Variants in CSMD1 observed in about 807,000 individuals in gnomAD.
The protein encoded by CSMD1 is CUB and Sushi multiple domains 1, also known as CUB and sushi domain-containing protein 1.
Under a neutral mutation model 417.5 loss-of-function variants are expected in CSMD1, and 213 were observed. The ratio of observed to expected loss-of-function variants is 0.51; its 90% CI spans 0.46 to 0.57. CSMD1 has a LOEUF of 0.57. Ranked by LOEUF, CSMD1 falls within the 20% of genes least tolerant of loss-of-function variation. The pLI is 0.00. For synonymous variants in CSMD1, 2,862 were observed against 1,736.8 expected (o/e 1.65, Z -16.11); for missense variants, 6,923 against 4,529.7 (o/e 1.53, Z -15.17).
chr8:4,335,324 G>A (rs1482347360), intron 3 of CSMD1, among the ~76,000 whole-genome samples: 4 of 152,020 alleles, frequency 2.6e-5, no homozygotes, highest in Non-Finnish European at 5.9e-5. Flanking sequence ...TTTCAACCTC[G>A]GACTTTTGTG....
At chr8:3,301,166 G>C (rs1452727790) in intron 25 of CSMD1, among the ~76,000 whole-genome samples, 3 of 151,602 alleles carry the variant, frequency 2.0e-5, no homozygotes, top group Non-Finnish European at 2.9e-5. Context: ...ATAGACATTA[G>C]TTTTATAGAC....
intron 5 of CSMD1, among the ~76,000 whole-genome samples, chr8:3,756,947 C>A (rs957403069): frequency 2.6e-5 from 4 of 152,078 alleles, no homozygotes; most frequent in African/African-American, 7.2e-5. Flanking sequence ...ATGTGCACAC[C>A]ATATCTGGAT....
chr8:3,046,034 T>C (rs577522236), intron 50 of CSMD1, among the ~76,000 whole-genome samples: 1 of 152,290 alleles, frequency 6.6e-6, no homozygotes, highest in South Asian at 2.1e-4. Flanking sequence ...TCGGCCTCTT[T>C]ATCATACCTG....
intron 5 of CSMD1, among the ~76,000 whole-genome samples, chr8:3,851,603 C>T (rs1190763296): frequency 6.6e-6 from 1 of 152,122 alleles, no homozygotes; most frequent in Non-Finnish European, 1.5e-5. Flanking sequence ...GTTGTCTCTA[C>T]TTTCACTGGA....
At chr8:3,493,800 T>C in intron 10 of CSMD1, 74 bp from the exon 11 acceptor site, 9 of 1,265,134 alleles carry the variant, frequency 7.1e-6, no homozygotes, top group Non-Finnish European at 1.0e-5. Context: ...ATTGCAAATA[T>C]CTAGTTATAC....
chr8:3,870,807 A>C (rs1227918745), intron 5 of CSMD1, among the ~76,000 whole-genome samples: 1 of 152,156 alleles, frequency 6.6e-6, no homozygotes, highest in Non-Finnish European at 1.5e-5. Context: ...TTATTGTAAA[A>C]CATACACAGG....
intron 20 of CSMD1, among the ~76,000 whole-genome samples, chr8:3,361,371 G>A (rs868224979): frequency 1.3e-5 from 2 of 152,024 alleles, no homozygotes; most frequent in African/African-American, 4.8e-5. Flanking sequence ...GCTCATACCT[G>A]TAATCTCAGC....
chr8:3,491,117 C>T (rs1424054740), intron 11 of CSMD1, among the ~76,000 whole-genome samples: 1 of 152,090 alleles, frequency 6.6e-6, no homozygotes, highest in Non-Finnish European at 1.5e-5. Flanking sequence ...TTCACAGCTG[C>T]TTATAGAAGT....
intron 3 of CSMD1, among the ~76,000 whole-genome samples, chr8:4,212,433 T>C (rs957864950): frequency 1.3e-5 from 2 of 152,100 alleles, no homozygotes; most frequent in East Asian, 3.8e-4. Flanking sequence ...TCCCAGGTAG[T>C]TCAGAAAATC....
intron 1 of CSMD1, among the ~76,000 whole-genome samples, chr8:4,724,004 G>C (rs1027378501): frequency 6.6e-6 from 1 of 152,030 alleles, no homozygotes; most frequent in Non-Finnish European, 1.5e-5. Context: ...TTAAAAATAT[G>C]ATGCTCTGTC....
At chr8:3,013,137 G>C (rs1808529761) in intron 52 of CSMD1, among the ~76,000 whole-genome samples, 1 of 152,174 alleles carries the variant, frequency 6.6e-6, no homozygotes, top group Non-Finnish European at 1.5e-5. Context: ...TTAGCAGCGT[G>C]AGAACAGAAA....
intron 17 of CSMD1, among the ~76,000 whole-genome samples, chr8:3,388,161 C>T (rs940200570): frequency 4.6e-4 from 70 of 152,190 alleles, no homozygotes; most frequent in African/African-American, 1.7e-3. Context: ...ACATATAATG[C>T]AATTAAAAAC....
At chr8:4,034,196 C>A (rs1166140413) in intron 3 of CSMD1, among the ~76,000 whole-genome samples, 2 of 151,988 alleles carry the variant, frequency 1.3e-5, no homozygotes, top group Admixed American at 1.3e-4. Flanking sequence ...TCATCTATTT[C>A]TAAAAGTATT....
At chr8:4,032,845 G>A (rs1029024351) in intron 3 of CSMD1, among the ~76,000 whole-genome samples, 2 of 152,234 alleles carry the variant, frequency 1.3e-5, no homozygotes, top group African/African-American at 2.4e-5. Flanking sequence ...CTCAGCCAGG[G>A]TGATTCCAAA....
At chr8:3,666,896 C>G (rs1041348441) in intron 7 of CSMD1, among the ~76,000 whole-genome samples, 1 of 152,116 alleles carries the variant, frequency 6.6e-6, no homozygotes, top group East Asian at 1.9e-4. Flanking sequence ...TGAAAATGAA[C>G]TATTACACCT....
At chr8:3,463,361 C>T (rs552540146) in intron 12 of CSMD1, among the ~76,000 whole-genome samples, 2 of 152,168 alleles carry the variant, frequency 1.3e-5, no homozygotes, top group African/African-American at 4.8e-5. Context: ...AATGTTAAAT[C>T]CACCTTAGAT....
At chr8:4,650,052 G>C (rs1401686519) in intron 1 of CSMD1, among the ~76,000 whole-genome samples, 1 of 152,150 alleles carries the variant, frequency 6.6e-6, no homozygotes, top group African/African-American at 2.4e-5. Context: ...CTTTACGTGT[G>C]AATATGTAGA....
chr8:2,997,987 C>G lies in CSMD1; in HGVS notation c.8377+24G>C, dbSNP rs780867849. 25 of 1,606,558 alleles carry G rather than the reference C, an allele frequency of 1.6e-5. 1 individual carries two copies. The Admixed American group carries it at 2.2e-4, about 14-fold the overall frequency. ...CCTAGAACACTCTCAGAGCAAAGGGCTCATTCCTGGATGCTGTTCCTACCT... is the reference window on the plus strand; with the variant it reads ...CCTAGAACACTCTCAGAGCAAAGGGGTCATTCCTGGATGCTGTTCCTACCT... On this transcript the variant is annotated intron_variant, in intron 54 of 69. Transcript: ENST00000635120.
chr8:3,659,231 T>C (rs1287967258), intron 7 of CSMD1, among the ~76,000 whole-genome samples: 2 of 152,222 alleles, frequency 1.3e-5, no homozygotes, highest in Non-Finnish European at 2.9e-5. Flanking sequence ...GGTGAAATTG[T>C]GTATATTTAT....
Sources: allele counts gnomAD v4.1 joint callset (sites outside exome capture counted in the v4.1 genomes callset), GRCh38; gene constraint gnomAD v4.1.1; transcripts MANE v1.5; gene names NCBI Gene and HGNC (gene_info 2026-07-23, HGNC 2026-07-21).